Variants in CFLAR observed in about 807,000 individuals in gnomAD.
CFLAR encodes the protein CASP8 and FADD-like apoptosis regulator.
A neutral mutation model predicts 51.1 loss-of-function variants in CFLAR; 14 were observed. The ratio of observed to expected loss-of-function variants is 0.27; its 90% CI spans 0.18 to 0.43. The LOEUF is 0.43. Ranked by LOEUF, CFLAR falls within the 20% of genes least tolerant of loss-of-function variation. The pLI is 1.00. For missense variants in CFLAR, 390 were observed against 566.5 expected (o/e 0.69, Z 3.16); for synonymous variants, 210 against 211.6 (o/e 0.99, Z 0.06).
rs2050253286 is a variant in CFLAR, at chr2:201,137,207, A to G, written c.523+1100A>G. 3 of 206,244 alleles carry G rather than the reference A, an allele frequency of 1.5e-5. No individual in the cohort carries two copies. In the South Asian group the frequency reaches 2.3e-4, roughly 16 times the overall value. The allele number at this position is 206,244 out of a possible 1,614,324, so 12.8% of individuals were successfully genotyped here. A position where few individuals can be genotyped will look rare whatever the true frequency, so the allele number is the denominator to read the frequency against. The stretch of plus-strand genomic sequence containing the variant: ...AGCCAGGAGGGGCCGTCTGCCCCTG[A>G]GGTGGGGGCTGGGCTGGAGCAGGCT... On this transcript the variant is annotated intron_variant, in intron 4 of 9. Transcript: ENST00000309955.
At chr2:201,136,688 C>A in intron 4 of CFLAR, 1 of 847,146 alleles carries the variant, frequency 1.2e-6, no homozygotes, top group Non-Finnish European at 1.7e-6. Flanking sequence ...AGCATCACAG[C>A]CTAAAGGGCA....
chr2:201,132,428 A>AG (rs1559187626), intron 2 of CFLAR, among the ~76,000 whole-genome samples: 2 of 126,992 alleles, frequency 1.6e-5, no homozygotes, highest in African/African-American at 6.6e-5. Context: ...TAGGGGGGGA[A>AG]AAATATATAT....
At chr2:201,146,156 C>A (rs184641669) in intron 6 of CFLAR, 1 of 150,026 alleles carries the variant, frequency 6.7e-6, no homozygotes, top group Non-Finnish European at 1.5e-5. Flanking sequence ...CTTTTCTTTT[C>A]TTTTTTTTGA....
intron 6 of CFLAR, chr2:201,145,662 C>A (rs1436472123): frequency 2.2e-6 from 1 of 463,840 alleles, no homozygotes; most frequent in Admixed American, 3.8e-5. Flanking sequence ...ATCATCTTGG[C>A]CGTATGTTAA....
chr2:201,149,647 G>A (rs1575824407), intron 7 of CFLAR, 107 bp from the exon 8 acceptor site: 2 of 774,254 alleles, frequency 2.6e-6, no homozygotes, highest in East Asian at 2.7e-5. Flanking sequence ...TCTGTTGAGT[G>A]ACTCACCTGC....
intron 1 of CFLAR, chr2:201,119,272 G>A (rs1369822302): frequency 6.6e-6 from 1 of 152,218 alleles, no homozygotes; most frequent in Non-Finnish European, 1.5e-5. Context: ...CGAGGACATA[G>A]AAATGGATCT....
At chr2:201,153,089 G>A (rs543970757) in intron 8 of CFLAR, 5 of 152,366 alleles carry the variant, frequency 3.3e-5, no homozygotes, top group African/African-American at 9.6e-5. Context: ...TGGGCCATTA[G>A]AGGGTACCCT....
At chr2:201,123,621 T>A (rs2048397578) in intron 1 of CFLAR, among the ~76,000 whole-genome samples, 1 of 152,196 alleles carries the variant, frequency 6.6e-6, no homozygotes, top group South Asian at 2.1e-4. Flanking sequence ...CACTTCTTAA[T>A]CCTATCATAT....
chr2:201,133,665 T>A (rs193017989), intron 3 of CFLAR, among the ~76,000 whole-genome samples: 1 of 152,196 alleles, frequency 6.6e-6, no homozygotes, highest in Non-Finnish European at 1.5e-5. Flanking sequence ...GCGCAGTGGC[T>A]CATGCCTGTA....
rs112657741 is a variant in CFLAR, at chr2:201,138,539, G to T, written c.524-1818G>T. On this transcript the variant is annotated intron_variant, in intron 4 of 9. Transcript: ENST00000309955. The surrounding 1 kb of genome is among the most constrained non-coding windows in gnomAD (Gnocchi z 4.0). ...TTGGCATCATCACCTCACTGAGGAGGGTGGTGTGGTCCTTCTCAGCAAGAA... is the reference window on the plus strand; with the variant it reads ...TTGGCATCATCACCTCACTGAGGAGTGTGGTGTGGTCCTTCTCAGCAAGAA... The T allele has an allele frequency of 2.0e-5, 32 of 1,573,108 alleles. No homozygotes were observed. The highest frequency in any genetic ancestry group is 1.3e-4 in the African/African-American group (10 of 74,374).
At chr2:201,151,539 A>C (rs1222710833) in intron 8 of CFLAR, among the ~76,000 whole-genome samples, 1 of 147,710 alleles carries the variant, frequency 6.8e-6, no homozygotes, top group African/African-American at 2.6e-5. Context: ...ATTTTTGGTT[A>C]GATGTGAGAA....
At chr2:201,154,103 ATTTT>A in intron 8 of CFLAR, 1 of 294,676 alleles carries the variant, frequency 3.4e-6, no homozygotes. Context: ...TTTTTAATTT[ATTTT>A]TAAGACGGAG....
At chr2:201,144,666 G>T (rs1009001067) in intron 5 of CFLAR, among the ~76,000 whole-genome samples, 1 of 152,210 alleles carries the variant, frequency 6.6e-6, no homozygotes, top group Non-Finnish European at 1.5e-5. Flanking sequence ...CTAGAAATCC[G>T]ACTCTTAACC....
rs1322120657 is a variant in CFLAR at position 201,170,449 on chromosome 2, T to C, written c.*6476T>C. 2.0e-5 allele frequency: 3 copies of C among 152,204 alleles called. No homozygotes were observed. In the East Asian group the frequency reaches 5.8e-4, roughly 29 times the overall value. 9.4% of individuals were successfully genotyped at this position (152,204 alleles called of 1,614,324 possible). A position where few individuals can be genotyped will look rare whatever the true frequency, so the allele number is the denominator to read the frequency against. On this transcript the variant is annotated 3_prime_UTR_variant, in exon 10 of 10. Coordinates refer to ENST00000309955, the MANE Select transcript of CFLAR (RefSeq NM_003879.7). Reference sequence around the variant, plus strand: ...TCCAAGAATGTCATAAATGGATGTTTCTCCATGGATGAAGGAACTGTTTTA... The same window carrying C: ...TCCAAGAATGTCATAAATGGATGTTCCTCCATGGATGAAGGAACTGTTTTA...
At chr2:201,136,219 T>C (rs2050087869) in intron 4 of CFLAR, 112 bp downstream of exon 4, 2 of 1,609,332 alleles carry the variant, frequency 1.2e-6, no homozygotes, top group African/African-American at 2.7e-5. Flanking sequence ...GGAACCTGGA[T>C]GACCAAAGCC....
At chr2:201,141,418 A>G (rs770915594) in intron 5 of CFLAR, 17 of 1,557,898 alleles carry the variant, frequency 1.1e-5, no homozygotes, top group African/African-American at 5.4e-5. Flanking sequence ...AAATTCTTGG[A>G]AATTGTTCCA....
chr2:201,130,353 CTTTTTTTTTTTTT>C (rs771361555), intron 2 of CFLAR, among the ~76,000 whole-genome samples: 1 of 92,298 alleles, frequency 1.1e-5, no homozygotes, highest in Non-Finnish European at 2.1e-5. Flanking sequence ...TTCTTTCTTT[CTTTTTTTTTTTTT>C]TTTTTTTTTT....
In CFLAR at chr2:201,166,641, G is replaced by A. The variant is rs998139032; in HGVS notation, c.*2668G>A. 6 of 179,342 alleles carry A rather than the reference G, an allele frequency of 3.3e-5. No individual in the cohort carries two copies. The highest frequency in any genetic ancestry group is 7.2e-5 in the African/African-American group (3 of 41,724). 11.1% of individuals were successfully genotyped at this position (179,342 alleles called of 1,614,324 possible). A position where few individuals can be genotyped will look rare whatever the true frequency, so the allele number is the denominator to read the frequency against. On this transcript the variant is annotated 3_prime_UTR_variant, in exon 10 of 10. Coordinates refer to ENST00000309955, the MANE Select transcript of CFLAR (RefSeq NM_003879.7). ...GGCTGGGAGGCGGAGGCCGTAGCCA[G>A]CTGAGATCACACCACTGCACTCCAG... is the stretch of plus-strand genomic sequence containing the variant.
chr2:201,151,522 G>A (rs12105811), intron 8 of CFLAR, among the ~76,000 whole-genome samples: 29,514 of 151,980 alleles, frequency 0.19, 3,302 homozygotes, highest in African/African-American at 0.3. Context: ...CTGCTTGGTC[G>A]TGTCCTATTT....
Sources: gnomAD v4.1 joint callset for allele counts (sites outside exome capture counted in the v4.1 genomes callset) on GRCh38, gnomAD v4.1.1 for gene constraint, Gnocchi (gnomAD v3.1) non-coding constraint, MANE v1.5 for transcripts, NCBI Gene and HGNC (gene_info 2026-07-23, HGNC 2026-07-21) for gene names.